The following ACSL4 variants were observed in gnomAD, a reference collection of about 807,000 sequenced individuals.
ACSL4 encodes the protein long-chain-fatty-acid--CoA ligase 4.
Under a neutral mutation model 49.1 loss-of-function variants are expected in ACSL4, and 9 were observed. The ratio of observed to expected loss-of-function variants is 0.18; its 90% CI spans 0.11 to 0.32. The LOEUF is 0.32. Among genes scored for constraint, ACSL4 ranks in the 10% least tolerant of loss-of-function variants. The pLI is 1.00. For missense variants in ACSL4, 333 were observed against 493.7 expected, an observed-to-expected ratio of 0.67 and a Z score of 3.08; for synonymous variants, 191 against 170.3, an observed-to-expected ratio of 1.12 and a Z score of -0.95.
chrX:109,681,446 T>A, intron 4 of ACSL4, 71 bp from the exon 5 acceptor site: 4 of 717,681 alleles, frequency 5.6e-6, no homozygotes, highest in Non-Finnish European at 8.6e-6. Context: ...TTGAAGTCAG[T>A]CTTTAATAAT....
chrX:109,712,263 T>C (rs1408763498), intron 1 of ACSL4, among the ~76,000 whole-genome samples: 1 of 111,478 alleles, frequency 9.0e-6, no homozygotes, highest in Admixed American at 9.5e-5. Flanking sequence ...CATGCCTGGT[T>C]CATTTTTAAA....
intron 15 of ACSL4, among the ~76,000 whole-genome samples, chrX:109,658,151 C>T: frequency 9.0e-6 from 1 of 111,665 alleles, no homozygotes; most frequent in East Asian, 2.8e-4. Context: ...TATTTTCTAG[C>T]TCAATCAGTA....
intron 1 of ACSL4, among the ~76,000 whole-genome samples, chrX:109,700,362 T>C (rs1163831733): frequency 9.2e-6 from 1 of 108,395 alleles, no homozygotes; most frequent in East Asian, 2.9e-4. Flanking sequence ...AAAAACCACC[T>C]CTCCACTAGA....
At chrX:109,718,703 G>A (rs1289890490) in intron 1 of ACSL4, among the ~76,000 whole-genome samples, 9 of 106,003 alleles carry the variant, frequency 8.5e-5, no homozygotes, top group Non-Finnish European at 1.2e-4. Context: ...GCAGTGAGCC[G>A]AGGTCACACC....
chrX:109,724,891 G>A (rs1002396081), intron 1 of ACSL4, among the ~76,000 whole-genome samples: 3 of 108,742 alleles, frequency 2.8e-5, no homozygotes, highest in African/African-American at 1.0e-4. Flanking sequence ...CAGCCTGGGC[G>A]ACAGAGCGAG....
chrX:109,701,608 T>C (rs1290877929), intron 1 of ACSL4, among the ~76,000 whole-genome samples: 1 of 99,752 alleles, frequency 1.0e-5, no homozygotes, highest in Non-Finnish European at 2.0e-5. Context: ...TGCAGTGGCA[T>C]GATCTCGGCT....
rs73536332 is a variant in ACSL4, at chrX:109,723,421, C to T, written c.-66+9718G>A. 4.8e-3 allele frequency among the ~76,000 whole-genome samples: 541 copies of T among 111,650 alleles called. 6 individuals are homozygous for T. The highest frequency in any genetic ancestry group is 0.017 in the African/African-American group (522 of 30,812). On this transcript the variant is annotated intron_variant, in intron 1 of 15. Transcript: ENST00000672401. ...ATCAGATTGTTTTGTATTACCCATA[C>T]ACATGATAAGGGTTTATTTTTAGAT...
At chrX:109,678,597 A>G (rs1923921979) in intron 6 of ACSL4, among the ~76,000 whole-genome samples, 182 bp from the exon 7 acceptor site, 1 of 112,473 alleles carries the variant, frequency 8.9e-6, no homozygotes, top group Non-Finnish European at 1.9e-5. Context: ...TGAGAGGCCA[A>G]GGTGGGAGGA....
At chrX:109,729,912 T>C (rs1226626794) in intron 1 of ACSL4, among the ~76,000 whole-genome samples, 1 of 112,157 alleles carries the variant, frequency 8.9e-6, no homozygotes, top group Non-Finnish European at 1.9e-5. Flanking sequence ...ATGACAAAAT[T>C]ATAGACATGA....
At chrX:109,729,810 T>C (rs1569446321) in intron 1 of ACSL4, among the ~76,000 whole-genome samples, 1 of 112,457 alleles carries the variant, frequency 8.9e-6, no homozygotes, top group East Asian at 2.8e-4. Context: ...GTATATTCCT[T>C]GCACTAATCT....
chrX:109,694,478 C>A (rs987340794), intron 2 of ACSL4, among the ~76,000 whole-genome samples: 1 of 111,165 alleles, frequency 9.0e-6, no homozygotes, highest in Non-Finnish European at 1.9e-5. Context: ...TTTAAGATAT[C>A]ACAAAACAGC....
rs9699192 is a variant in ACSL4 at position 109,697,715 on chromosome X, G to C, written c.-65-1519C>G. ...GCTAACATTTGCTATTGACATGGGG[G>C]GGGGGGCGCGGGGAACTTGCATATA... is the stretch of plus-strand genomic sequence containing the variant. On this transcript the variant is annotated intron_variant, in intron 1 of 15. Transcript: ENST00000672401. Among the ~76,000 whole-genome samples the C allele has an allele frequency of 9.2e-5, 9 of 97,753 alleles. No individual in the cohort carries two copies. In the East Asian group the frequency reaches 1.1e-3, roughly 12 times the overall value. 84.9% of individuals were successfully genotyped at this position (97,753 alleles called of 115,157 possible). A position where few individuals can be genotyped will look rare whatever the true frequency, so the allele number is the denominator to read the frequency against.
At chrX:109,676,597 C>CT (rs1157948230) in intron 8 of ACSL4, among the ~76,000 whole-genome samples, 11 of 105,928 alleles carry the variant, frequency 1.0e-4, no homozygotes, top group African/African-American at 1.4e-4. Flanking sequence ...TTTAGTGGCT[C>CT]TTTTTTTTTT....
chrX:109,719,368 A>G (rs1456748440), intron 1 of ACSL4, among the ~76,000 whole-genome samples: 1 of 111,591 alleles, frequency 9.0e-6, no homozygotes, highest in Non-Finnish European at 1.9e-5. Context: ...TGTTATGCCT[A>G]TGGCAGCTTA....
chrX:109,670,525 C>T (rs1923090018), intron 9 of ACSL4, among the ~76,000 whole-genome samples: 1 of 104,495 alleles, frequency 9.6e-6, no homozygotes, highest in Admixed American at 1.0e-4. Flanking sequence ...GTGGAGGTTG[C>T]AGTGAGCCGA....
chrX:109,713,566 T>A (rs1249033478), intron 1 of ACSL4, among the ~76,000 whole-genome samples: 1 of 110,103 alleles, frequency 9.1e-6, no homozygotes, highest in Non-Finnish European at 1.9e-5. Flanking sequence ...TAGTAAAAAA[T>A]TTGCTACAGA....
chrX:109,690,821 AATTTT>A (rs1336605822), intron 2 of ACSL4, among the ~76,000 whole-genome samples: 1 of 110,112 alleles, frequency 9.1e-6, no homozygotes, highest in African/African-American at 3.3e-5. Context: ...AATCAGATTC[AATTTT>A]ATTTTATTTT....
chrX:109,718,225 C>G (rs1396393409), intron 1 of ACSL4, among the ~76,000 whole-genome samples: 2 of 112,220 alleles, frequency 1.8e-5, no homozygotes, highest in African/African-American at 6.5e-5. Context: ...AGGAATGATG[C>G]GAAATTGAAG....
chrX:109,704,235 G>A (rs1269072769), intron 1 of ACSL4, among the ~76,000 whole-genome samples: 2 of 111,282 alleles, frequency 1.8e-5, no homozygotes, highest in African/African-American at 6.5e-5. Flanking sequence ...GCAGTATTCT[G>A]ATAGTTTTCA....
Sources: gnomAD v4.1 joint callset for allele counts (sites outside exome capture counted in the v4.1 genomes callset) on GRCh38, gnomAD v4.1.1 for gene constraint, MANE v1.5 for transcripts, NCBI Gene and HGNC (gene_info 2026-07-23, HGNC 2026-07-21) for gene names.